Variants in AFF1 observed in about 807,000 individuals in gnomAD.
AFF1 encodes the protein AF4/FMR2 family member 1.
A neutral mutation model predicts 121.7 loss-of-function variants in AFF1; 48 were observed. The ratio of observed to expected loss-of-function variants is 0.39; its 90% confidence interval spans 0.31 to 0.50. The LOEUF is 0.50. AFF1 is among the 20% of genes least tolerant of loss of function. The probability of loss-of-function intolerance (pLI) is 0.76; values close to 1 mark genes in which losing one functional copy is unlikely to be tolerated. For synonymous variants in AFF1, 613 were observed against 563.0 expected, an observed-to-expected ratio of 1.09 and a Z score of -1.26; for missense variants, 1,523 against 1,511.7, an observed-to-expected ratio of 1.01 and a Z score of -0.12.
At chr4:87,074,940 T>A (rs188488737) in intron 4 of AFF1, among the ~76,000 whole-genome samples, 4 of 152,330 alleles carry the variant, frequency 2.6e-5, no homozygotes, top group African/African-American at 9.6e-5. Flanking sequence ...CTGGAATCCT[T>A]GGTTTCATAA....
intron 12 of AFF1, among the ~76,000 whole-genome samples, chr4:87,115,680 G>T (rs543128874): frequency 3.6e-5 from 5 of 138,528 alleles, no homozygotes; most frequent in African/African-American, 1.3e-4. Flanking sequence ...TGCGATCTTG[G>T]CTCACTGCAG....
chr4:86,998,115 A>AACAAAC (rs1161082780), intron 2 of AFF1, among the ~76,000 whole-genome samples: 3 of 150,564 alleles, frequency 2.0e-5, no homozygotes, highest in Non-Finnish European at 4.4e-5. Context: ...AAAAAAAAAA[A>AACAAAC]AAAAAAAAAA....
chr4:87,083,012 A>G (rs967073833), intron 4 of AFF1, among the ~76,000 whole-genome samples: 6 of 152,198 alleles, frequency 3.9e-5, no homozygotes, highest in Admixed American at 2.0e-4. Context: ...TGGGAAAGTC[A>G]TATGTTGTAT....
chr4:87,120,518 A>G (rs1245493742), intron 12 of AFF1, among the ~76,000 whole-genome samples: 2 of 152,248 alleles, frequency 1.3e-5, no homozygotes, highest in East Asian at 3.9e-4. Flanking sequence ...TCTGCAGCTC[A>G]GGCATGCTGC....
At chr4:86,973,023 A>G (rs1377572047) in intron 2 of AFF1, among the ~76,000 whole-genome samples, 2 of 152,180 alleles carry the variant, frequency 1.3e-5, no homozygotes, top group Non-Finnish European at 2.9e-5. Flanking sequence ...AAAGGGAGAG[A>G]AGAAACTGAA....
At chr4:87,130,081 T>C (rs1183309184) in intron 16 of AFF1, among the ~76,000 whole-genome samples, 1 of 151,854 alleles carries the variant, frequency 6.6e-6, no homozygotes, top group African/African-American at 2.4e-5. Context: ...TTCAAGCGAC[T>C]CTCCTGCCTC....
intron 2 of AFF1, among the ~76,000 whole-genome samples, chr4:86,972,131 C>CAAAAAAAAA (rs59683267): frequency 1.7e-5 from 1 of 57,946 alleles, no homozygotes; most frequent in African/African-American, 7.1e-5. Context: ...GAGCTTGTCT[C>CAAAAAAAAA]AAAAAAAAAA....
chr4:87,040,969 G>A (rs1291335385), intron 2 of AFF1, among the ~76,000 whole-genome samples: 1 of 127,316 alleles, frequency 7.9e-6, no homozygotes, highest in African/African-American at 3.1e-5. Context: ...TCTACCTCCC[G>A]GGTTCAAGTG....
intron 2 of AFF1, among the ~76,000 whole-genome samples, chr4:86,960,906 G>A (rs1209729410): frequency 1.3e-5 from 2 of 152,162 alleles, no homozygotes; most frequent in African/African-American, 4.8e-5. Context: ...GAATTCTAAT[G>A]TGTTTACTGA....
At chr4:87,120,679 G>A (rs572919970) in intron 12 of AFF1, among the ~76,000 whole-genome samples, 1 of 152,294 alleles carries the variant, frequency 6.6e-6, no homozygotes, top group African/African-American at 2.4e-5. Context: ...GCCCCGGCTT[G>A]GTTCCTCCAC....
intron 2 of AFF1, among the ~76,000 whole-genome samples, chr4:86,966,352 C>T (rs1722540919): frequency 6.6e-6 from 1 of 152,102 alleles, no homozygotes; most frequent in African/African-American, 2.4e-5. Flanking sequence ...CTCTCAATTT[C>T]TCACCAAACT....
intron 2 of AFF1, among the ~76,000 whole-genome samples, chr4:86,997,673 A>G (rs1446628960): frequency 6.6e-6 from 1 of 151,928 alleles, no homozygotes; most frequent in Non-Finnish European, 1.5e-5. Flanking sequence ...GAGGCAGGAA[A>G]ATGGTGTGAA....
Position 87,041,895 on chromosome 4 carries a change from A to G in AFF1, c.39-4271A>G, listed in dbSNP as rs368039277. Among the ~76,000 whole-genome samples, 27 of 152,006 alleles carry G rather than the reference A, an allele frequency of 1.8e-4. No homozygotes were observed. In the East Asian group the frequency reaches 3.5e-3, roughly 20 times the overall value. The stretch of plus-strand genomic sequence containing the variant: ...CCAGGCGTGGTGTCGGGTGCATCTA[A>G]TGCTATCTACTCGGGAGGCTGAGAC... On this transcript the variant is annotated intron_variant, in intron 2 of 20. Coordinates refer to ENST00000395146, the MANE Select transcript of AFF1 (RefSeq NM_001166693.3).
intron 2 of AFF1, among the ~76,000 whole-genome samples, chr4:87,013,337 G>C (rs1726990481): frequency 1.3e-5 from 2 of 152,062 alleles, no homozygotes; most frequent in Admixed American, 6.5e-5. Flanking sequence ...ACCCTGTCCG[G>C]CTGAACTGCT....
intron 4 of AFF1, among the ~76,000 whole-genome samples, chr4:87,068,682 A>G (rs1035360498): frequency 1.1e-4 from 17 of 152,218 alleles, no homozygotes; most frequent in African/African-American, 3.9e-4. Flanking sequence ...AAATATTGCT[A>G]AGCAACGGTG....
At chr4:86,967,229 T>C (rs532678251) in intron 2 of AFF1, among the ~76,000 whole-genome samples, 1 of 152,196 alleles carries the variant, frequency 6.6e-6, no homozygotes, top group African/African-American at 2.4e-5. Context: ...TGATGTATGT[T>C]TAGAGTTGAA....
At chr4:86,969,930 A>G (rs1305693322) in intron 2 of AFF1, among the ~76,000 whole-genome samples, 4 of 149,722 alleles carry the variant, frequency 2.7e-5, no homozygotes, top group Admixed American at 2.0e-4. Context: ...TCAAGATTGC[A>G]TGATATAGTA....
intron 4 of AFF1, among the ~76,000 whole-genome samples, chr4:87,068,582 A>G (rs548251927): frequency 1.3e-5 from 2 of 152,328 alleles, no homozygotes; most frequent in East Asian, 3.9e-4. Context: ...ATAAAGCTGT[A>G]TGTTTTTGAA....
At chr4:87,115,498 G>A (rs751823921) in intron 12 of AFF1, among the ~76,000 whole-genome samples, 199 bp downstream of exon 12, 2 of 151,430 alleles carry the variant, frequency 1.3e-5, no homozygotes, top group Non-Finnish European at 2.9e-5. Flanking sequence ...GCATTAACAC[G>A]TGTTATGTCC....
Sources: gnomAD v4.1 joint callset for allele counts (sites outside exome capture counted in the v4.1 genomes callset) on GRCh38, gnomAD v4.1.1 for gene constraint, MANE v1.5 for transcripts, NCBI Gene and HGNC (gene_info 2026-07-23, HGNC 2026-07-21) for gene names.